DMD: variants seen among roughly 807,000 people sequenced by gnomAD.
DMD encodes dystrophin.
Under a neutral mutation model 330.1 loss-of-function variants are expected in DMD, and 63 were observed. The observed-to-expected ratio is 0.19, with a 90% confidence interval of 0.16 to 0.24. The LOEUF (loss-of-function observed/expected upper bound fraction) is 0.24. Among genes scored for constraint, DMD ranks in the 10% least tolerant of loss-of-function variants. The probability of loss-of-function intolerance (pLI) is 1.00; values close to 1 mark genes in which losing one functional copy is unlikely to be tolerated. For synonymous variants in DMD, 1,223 were observed against 959.8 expected, an observed-to-expected ratio of 1.27 and a Z score of -5.07; for missense variants, 3,344 against 2,684.1, an observed-to-expected ratio of 1.25 and a Z score of -5.43.
At chrX:32,350,794 T>C (rs767339642) in intron 37 of DMD, among the ~76,000 whole-genome samples, 126 of 111,460 alleles carry the variant, frequency 1.1e-3, no homozygotes, top group African/African-American at 3.9e-3. Flanking sequence ...TCAAGGCTTC[T>C]CCTAATCTTG....
intron 9 of DMD, among the ~76,000 whole-genome samples, chrX:32,679,902 CTTTTTTTTT>C (rs766270656): frequency 8.0e-3 from 189 of 23,570 alleles, no homozygotes; most frequent in African/African-American, 0.032. Flanking sequence ...AATATTTGTA[CTTTTTTTTT>C]TTTTTTTTTT....
chrX:31,638,564 A>G (rs1268692492), intron 54 of DMD, among the ~76,000 whole-genome samples: 4 of 112,739 alleles, frequency 3.5e-5, no homozygotes, highest in Non-Finnish European at 7.5e-5. Context: ...TCACAAGAGT[A>G]TAACGAAAGA....
intron 7 of DMD, among the ~76,000 whole-genome samples, chrX:32,760,125 A>G (rs1173689888): frequency 8.9e-6 from 1 of 111,863 alleles, no homozygotes; most frequent in Admixed American, 9.5e-5. Context: ...AATCCCCCCA[A>G]CTATTACTAT....
At position 32,766,689 on chromosome X, in the gene DMD, G is replaced by A. The variant is rs534466942; in HGVS notation, c.649+42804C>T. On this transcript the variant is annotated intron_variant, in intron 7 of 78. Coordinates refer to ENST00000357033, the MANE Select transcript of DMD (RefSeq NM_004006.3). ...CTCTTTCAAAGCTGATTTTTCTGAT[G>A]AAAATTTGAAATGCATTGCACAGCA... is the stretch of plus-strand genomic sequence containing the variant. Among the ~76,000 whole-genome samples, 37 of 111,203 alleles carry A rather than the reference G, an allele frequency of 3.3e-4. No individual in the cohort carries two copies. In the South Asian group the frequency reaches 0.013, roughly 40 times the overall value.
chrX:32,988,038 TTACTTA>T (rs2092890198), intron 2 of DMD, among the ~76,000 whole-genome samples: 1 of 110,471 alleles, frequency 9.1e-6, no homozygotes, highest in Non-Finnish European at 1.9e-5. Flanking sequence ...AAAGTAGAAG[TTACTTA>T]ATATCGGTTT....
chrX:32,616,756 G>A (rs886170626), intron 11 of DMD, among the ~76,000 whole-genome samples: 2 of 91,558 alleles, frequency 2.2e-5, no homozygotes, highest in Non-Finnish European at 4.1e-5. Flanking sequence ...CTGTTGCTAG[G>A]TATGCTCCTT....
At chrX:32,338,023 TGAA>T (rs772169054) in intron 41 of DMD, among the ~76,000 whole-genome samples, 58 of 111,819 alleles carry the variant, frequency 5.2e-4, no homozygotes, top group Non-Finnish European at 3.2e-4. Flanking sequence ...TTTGTTCAGG[TGAA>T]ACTAGCTGTA....
chrX:31,681,171 T>C (rs1237236258), intron 52 of DMD, among the ~76,000 whole-genome samples: 1 of 111,988 alleles, frequency 8.9e-6, no homozygotes, highest in Admixed American at 9.5e-5. Flanking sequence ...ATAAATCTGA[T>C]CACTGCACTC....
rs778743139 is a variant in DMD, at chrX:31,271,995, G to C, written c.9225-10979C>G. Among the ~76,000 whole-genome samples, 4 of 111,259 alleles carry C rather than the reference G, an allele frequency of 3.6e-5. No individual in the cohort carries two copies. The Admixed American group carries it at 3.8e-4, about 11-fold the overall frequency. On this transcript the variant is annotated intron_variant, in intron 62 of 78. Transcript: ENST00000357033. ...AGAGGCCTCTAAGTTCAGACACAGA[G>C]CACTTCACACCCACACAAAAGCCTA...
chrX:32,461,517 T>A (rs1423115815), intron 25 of DMD, among the ~76,000 whole-genome samples: 3 of 111,271 alleles, frequency 2.7e-5, no homozygotes, highest in Non-Finnish European at 3.8e-5. Flanking sequence ...TTAAAATATA[T>A]CTCTTGAACA....
intron 51 of DMD, among the ~76,000 whole-genome samples, chrX:31,746,200 A>G (rs982595071): frequency 8.9e-6 from 1 of 112,503 alleles, no homozygotes; most frequent in Admixed American, 9.4e-5. Context: ...AGCCATCAAT[A>G]AACTGAGGCA....
chrX:31,365,944 G>A (rs770403855), intron 60 of DMD, among the ~76,000 whole-genome samples: 22 of 112,182 alleles, frequency 2.0e-4, no homozygotes, highest in Non-Finnish European at 3.9e-4. Flanking sequence ...GAGAGTCCAC[G>A]AAAATAAAAA....
intron 29 of DMD, among the ~76,000 whole-genome samples, chrX:32,436,770 G>C (rs965065674): frequency 3.6e-5 from 4 of 109,756 alleles, no homozygotes; most frequent in Non-Finnish European, 7.6e-5. Context: ...TGGACAACAT[G>C]GCAAAACAAC....
At chrX:32,052,925 T>C (rs1387581657) in intron 44 of DMD, among the ~76,000 whole-genome samples, 10 of 110,712 alleles carry the variant, frequency 9.0e-5, no homozygotes, top group African/African-American at 3.0e-4. Flanking sequence ...AAACAAACTA[T>C]AAAAGGAGAG....
rs746105116 is a variant in DMD at position 31,684,595 on chromosome X, T to TTTG, written c.7661-5012_7661-5010dup. 4.5e-3 allele frequency among the ~76,000 whole-genome samples: 506 copies of TTTG among 111,739 alleles called. 5 individuals carry two copies. The highest frequency in any genetic ancestry group is 0.015 in the African/African-American group (469 of 30,730). ...GAACCAATGAAACAACTCTAGGATT[T>TTTG]TTGTTGTTGTTGTTGTTGTTCGTGA... On this transcript the variant is annotated intron_variant, in intron 52 of 78. Transcript: ENST00000357033.
In DMD at chrX:31,178,746, G is replaced by A; in HGVS notation, c.10146C>T (p.Thr3382=). 1.7e-6 allele frequency: 2 copies of A among 1,210,761 alleles called. No individual in the cohort carries two copies. The highest frequency in any genetic ancestry group is 2.2e-6 in the Non-Finnish European group (2 of 894,781). Residue 3382 remains threonine (T), a synonymous_variant, in exon 70 of 79, where the codon ACC becomes ACT. Transcript: ENST00000357033. ...GGGGATGCTTCGCAAAATACCTTTT[G>A]GTTCGAAATTTGTTTTTTAGTACCT... is the stretch of plus-strand genomic sequence containing the variant. ...FAKVLKNKFR[T]KRYFAKHPRM... is the part of the protein sequence containing the mutation.
chrX:32,783,579 C>G (rs966141822), intron 7 of DMD, among the ~76,000 whole-genome samples: 2 of 110,159 alleles, frequency 1.8e-5, no homozygotes, highest in Admixed American at 2.0e-4. Flanking sequence ...CATAATTTAT[C>G]TATATAACAA....
At chrX:33,089,255 G>A (rs1437021909) in intron 1 of DMD, among the ~76,000 whole-genome samples, 2 of 109,484 alleles carry the variant, frequency 1.8e-5, no homozygotes, top group African/African-American at 6.7e-5. Flanking sequence ...TAGTAGAGAC[G>A]GGGTTTCACC....
intron 1 of DMD, among the ~76,000 whole-genome samples, chrX:33,325,460 C>T (rs1329792531): frequency 4.5e-5 from 5 of 112,154 alleles, no homozygotes; most frequent in Non-Finnish European, 9.4e-5. Context: ...TAGGTATTAA[C>T]ATCTCATATC....
Sources: gnomAD v4.1 joint callset for allele counts (sites outside exome capture counted in the v4.1 genomes callset) on GRCh38, gnomAD v4.1.1 for gene constraint, MANE v1.5 for transcripts, NCBI Gene and HGNC (gene_info 2026-07-23, HGNC 2026-07-21) for gene names.